The following KIF6 variants were observed in gnomAD, a reference collection of about 807,000 sequenced individuals.
KIF6 encodes kinesin-like protein KIF6.
A neutral mutation model predicts 112.7 loss-of-function variants in KIF6; 106 were observed. The ratio of observed to expected loss-of-function variants is 0.94; its 90% CI spans 0.80 to 1.11. KIF6 has a LOEUF of 1.11. KIF6 is among the 50% of genes least tolerant of loss of function. The pLI, the probability that KIF6 is intolerant of heterozygous loss-of-function variation, is 0.00. For missense variants in KIF6, 929 were observed against 964.0 expected (o/e 0.96, Z 0.48); for synonymous variants, 339 against 339.9 (o/e 1.00, Z 0.03).
Position 39,343,098 on chromosome 6 carries a change from GCC to G in KIF6, c.2428+609_2428+610del. The G allele has an allele frequency of 2.0e-6, 2 of 985,370 alleles. No homozygotes were observed. Among genetic ancestry groups the G allele is most frequent in the Non-Finnish European group, 2.4e-6 (2 of 829,910 alleles). 61.0% of individuals were successfully genotyped at this position (985,370 alleles called of 1,614,324 possible). A position where few individuals can be genotyped will look rare whatever the true frequency, so the allele number is the denominator to read the frequency against. On this transcript the variant is annotated intron_variant, in intron 22 of 22. Coordinates refer to ENST00000287152, the MANE Select transcript of KIF6 (RefSeq NM_145027.6). This position sits in a 1 kb window ranked among gnomAD's most constrained non-coding sequence, Gnocchi z 4.1. ...GGGATGGAAGGCAGAAAGAGAAAAG[GCC>G]CAGCCACAGCAGATGGGAGATGGGC...
At chr6:39,580,504 A>G (rs1460476957) in intron 9 of KIF6, among the ~76,000 whole-genome samples, 1 of 152,026 alleles carries the variant, frequency 6.6e-6, no homozygotes, top group Admixed American at 6.5e-5. Context: ...CCTAGCTAGG[A>G]CTTCCAAGTT....
Position 39,343,931 on chromosome 6 carries a change from C to G in KIF6, c.2322-116G>C. On this transcript the variant is annotated intron_variant, in intron 21 of 22. Transcript: ENST00000287152. The surrounding 1 kb of genome is among the most constrained non-coding windows in gnomAD (Gnocchi z 4.1). ...ATCTCACTCAGAAAGCTACATGACA[C>G]GGCTGGCCTGCTTCTCACTCCCTCC... 1 of 597,348 alleles carries G rather than the reference C, an allele frequency of 1.7e-6. No homozygotes were observed. Among genetic ancestry groups the G allele is most frequent in the East Asian group, 3.0e-5 (1 of 33,544 alleles). 37.0% of individuals were successfully genotyped at this position (597,348 alleles called of 1,614,324 possible). A position where few individuals can be genotyped will look rare whatever the true frequency, so the allele number is the denominator to read the frequency against.
chr6:39,535,908 C>G (rs1778391863), intron 13 of KIF6, among the ~76,000 whole-genome samples: 2 of 152,192 alleles, frequency 1.3e-5, no homozygotes, highest in Non-Finnish European at 2.9e-5. Flanking sequence ...GATTAACAAA[C>G]TCACTCAAAA....
At chr6:39,338,791 A>C (rs754746207) in intron 22 of KIF6, among the ~76,000 whole-genome samples, 4 of 152,124 alleles carry the variant, frequency 2.6e-5, no homozygotes, top group Non-Finnish European at 4.4e-5. Context: ...GTGGCTGCTG[A>C]TGAGATCTGG....
chr6:39,704,730 T>C (rs1789093859), intron 3 of KIF6, among the ~76,000 whole-genome samples: 1 of 152,210 alleles, frequency 6.6e-6, no homozygotes, highest in Non-Finnish European at 1.5e-5. Context: ...GGCTCCAAAG[T>C]CCCTGCTCTT....
At chr6:39,366,774 T>G (rs1765585823) in intron 16 of KIF6, among the ~76,000 whole-genome samples, 1 of 152,036 alleles carries the variant, frequency 6.6e-6, no homozygotes, top group African/African-American at 2.4e-5. Flanking sequence ...GTGAAGAAAC[T>G]GAGGCCAGAC....
chr6:39,532,181 C>A (rs2150546220), intron 13 of KIF6, among the ~76,000 whole-genome samples: 1 of 152,218 alleles, frequency 6.6e-6, no homozygotes, highest in East Asian at 1.9e-4. Context: ...TCAATCTGTA[C>A]ATACTCTGAG....
chr6:39,360,862 C>T (rs1765077771), intron 17 of KIF6, among the ~76,000 whole-genome samples: 3 of 152,196 alleles, frequency 2.0e-5, no homozygotes, highest in African/African-American at 7.2e-5. Context: ...TATATAAACT[C>T]ATTTAATTCT....
At chr6:39,498,776 G>A (rs755898650) in intron 13 of KIF6, among the ~76,000 whole-genome samples, 5 of 151,984 alleles carry the variant, frequency 3.3e-5, no homozygotes, top group Admixed American at 6.6e-5. Context: ...TAACTTTTTA[G>A]GTTCTAACAG....
intron 13 of KIF6, among the ~76,000 whole-genome samples, chr6:39,488,729 ACTGTC>A (rs1775288078): frequency 6.6e-6 from 1 of 152,252 alleles, no homozygotes; most frequent in African/African-American, 2.4e-5. Flanking sequence ...AGAGAGAGAC[ACTGTC>A]CTGACCAGCC....
intron 4 of KIF6, among the ~76,000 whole-genome samples, chr6:39,638,668 C>A (rs1784752175): frequency 2.6e-5 from 4 of 152,010 alleles, no homozygotes; most frequent in Admixed American, 2.6e-4. Flanking sequence ...AAAATGCAAA[C>A]AATATACAGT....
chr6:39,561,081 G>A (rs1388099195), intron 10 of KIF6, among the ~76,000 whole-genome samples: 2 of 152,242 alleles, frequency 1.3e-5, no homozygotes, highest in Non-Finnish European at 2.9e-5. Flanking sequence ...ATATAAGCAA[G>A]GATCAGCATC....
intron 3 of KIF6, among the ~76,000 whole-genome samples, chr6:39,663,456 A>C (rs1445909629): frequency 1.3e-5 from 2 of 152,190 alleles, no homozygotes; most frequent in Admixed American, 6.6e-5. Context: ...CAAGAAGCAC[A>C]TGGGACCATG....
At position 39,343,891 on chromosome 6, in the gene KIF6, C is replaced by G; in HGVS notation, c.2322-76G>C. ...CACTTATATTTCCAAAATGCTTTTC[C>G]ATTTTAGGTGACTGATCTCACTCAG... On this transcript the variant is annotated intron_variant, in intron 21 of 22. Transcript: ENST00000287152. The surrounding 1 kb of genome is among the most constrained non-coding windows in gnomAD (Gnocchi z 4.1). 1.2e-6 allele frequency: 1 copy of G among 831,696 alleles called. No individual in the cohort carries two copies. Among genetic ancestry groups the G allele is most frequent in the Non-Finnish European group, 1.9e-6 (1 of 528,922 alleles). 51.5% of individuals were successfully genotyped at this position (831,696 alleles called of 1,614,324 possible).
intron 15 of KIF6, among the ~76,000 whole-genome samples, chr6:39,390,798 G>A (rs752057274): frequency 1.3e-5 from 2 of 152,150 alleles, no homozygotes; most frequent in East Asian, 1.9e-4. Context: ...TAGAGGCTCC[G>A]AACTCTGAGT....
intron 12 of KIF6, among the ~76,000 whole-genome samples, chr6:39,542,160 C>T (rs1181671758): frequency 1.3e-5 from 2 of 152,034 alleles, no homozygotes; most frequent in East Asian, 1.9e-4. Flanking sequence ...CATGGGAAGC[C>T]CCTTGAAGAC....
At chr6:39,358,816 T>A (rs1170098494) in intron 18 of KIF6, among the ~76,000 whole-genome samples, 1 of 152,214 alleles carries the variant, frequency 6.6e-6, no homozygotes, top group Non-Finnish European at 1.5e-5. Context: ...TGTGACTTTG[T>A]CACCAACGGA....
intron 17 of KIF6, among the ~76,000 whole-genome samples, chr6:39,360,786 C>T (rs1043105429): frequency 6.6e-6 from 1 of 152,168 alleles, no homozygotes; most frequent in Admixed American, 6.5e-5. Flanking sequence ...GCCTCTCCCC[C>T]AAGAATGAGA....
At chr6:39,646,445 G>A (rs898065121) in intron 3 of KIF6, among the ~76,000 whole-genome samples, 1 of 152,160 alleles carries the variant, frequency 6.6e-6, no homozygotes, top group Non-Finnish European at 1.5e-5. Context: ...GTTACACAAA[G>A]TATGCTTAGA....
Sources: allele counts gnomAD v4.1 joint callset (sites outside exome capture counted in the v4.1 genomes callset), GRCh38; gene constraint gnomAD v4.1.1; non-coding constraint Gnocchi (gnomAD v3.1); transcripts MANE v1.5; gene names NCBI Gene and HGNC (gene_info 2026-07-23, HGNC 2026-07-21).